Variants in NUP210L observed in about 807,000 individuals in gnomAD.
NUP210L encodes nucleoporin 210 like, also known as nuclear pore membrane glycoprotein 210-like.
A neutral mutation model predicts 208.5 loss-of-function variants in NUP210L; 74 were observed. That is an observed-to-expected ratio of 0.35 (90% CI 0.29 to 0.43). The LOEUF (loss-of-function observed/expected upper bound fraction) is 0.43, where lower values mean the gene tolerates loss of function less well. Among genes scored for constraint, NUP210L ranks in the 20% least tolerant of loss-of-function variants. The pLI is 1.00. For missense variants in NUP210L, 1,843 were observed against 2,289.4 expected, an observed-to-expected ratio of 0.81 and a Z score of 3.98; for synonymous variants, 780 against 816.9, an observed-to-expected ratio of 0.95 and a Z score of 0.77.
chr1:154,080,975 G>GAA (rs573448663), intron 16 of NUP210L, among the ~76,000 whole-genome samples: 1 of 81,696 alleles, frequency 1.2e-5, no homozygotes, highest in Non-Finnish European at 2.4e-5. Context: ...CTGTGCTTCC[G>GAA]AAAAAAAAAA....
At chr1:154,010,143 A>T in intron 34 of NUP210L, 22 bp from the exon 35 acceptor site, 1 of 1,598,952 alleles carries the variant, frequency 6.3e-7, no homozygotes, top group South Asian at 1.1e-5. Flanking sequence ...AAAAGAGGTA[A>T]ATAGCTTTGT....
exon 14 of NUP210L, chr1:154,100,041 T>A: frequency 6.2e-7 from 1 of 1,613,732 alleles, no homozygotes; most frequent in South Asian, 1.1e-5. Flanking sequence ...GCTCTCCAAG[T>A]ACTTGTCACA....
chr1:154,136,653 GT>G (rs1199932075), intron 6 of NUP210L, among the ~76,000 whole-genome samples: 4 of 151,370 alleles, frequency 2.6e-5, no homozygotes, highest in Non-Finnish European at 5.9e-5. Context: ...AGGTGCGGTG[GT>G]TCACGCCTGT....
chr1:154,026,441 C>T (rs538633952), intron 29 of NUP210L, among the ~76,000 whole-genome samples: 7 of 152,022 alleles, frequency 4.6e-5, no homozygotes, highest in East Asian at 2.0e-4. Flanking sequence ...CTCCGCCTCC[C>T]GGGTTCAAGT....
Position 154,063,109 on chromosome 1 carries a change from T to C in NUP210L, c.2555-1435A>G, listed in dbSNP as rs1300990611. Among the ~76,000 whole-genome samples the C allele has an allele frequency of 2.6e-5, 4 of 152,252 alleles. No individual in the cohort carries two copies. The South Asian group carries it at 6.2e-4, about 24-fold the overall frequency. On this transcript the variant is annotated intron_variant, in intron 17 of 39. Coordinates refer to ENST00000368559, the Ensembl canonical transcript of NUP210L. ...CAATCCTTGCCTTCAAAGAAACCCATAGTTTAGTGAGGGGAGACTGAGTAG... is the reference window on the plus strand; with the variant it reads ...CAATCCTTGCCTTCAAAGAAACCCACAGTTTAGTGAGGGGAGACTGAGTAG...
chr1:154,138,035 G>T, intron 6 of NUP210L, 71 bp downstream of exon 6: 1 of 1,052,088 alleles, frequency 9.5e-7, no homozygotes, highest in Non-Finnish European at 1.3e-6. Flanking sequence ...ATGTAATGTG[G>T]AGTTGCTGAT....
At chr1:154,081,281 G>A (rs1266478765) in intron 16 of NUP210L, among the ~76,000 whole-genome samples, 3 of 151,758 alleles carry the variant, frequency 2.0e-5, no homozygotes, top group East Asian at 1.9e-4. Flanking sequence ...GAGAGCTGAG[G>A]TAGTTACACT....
chr1:154,140,438 G>A (rs1302267176), intron 4 of NUP210L, among the ~76,000 whole-genome samples: 2 of 151,394 alleles, frequency 1.3e-5, no homozygotes, highest in South Asian at 2.1e-4. Context: ...AGGCAGAGGC[G>A]GGTGGATCAC....
intron 17 of NUP210L, among the ~76,000 whole-genome samples, chr1:154,067,663 T>A (rs1414780349): frequency 1.3e-5 from 2 of 152,190 alleles, no homozygotes; most frequent in African/African-American, 4.8e-5. Flanking sequence ...TTGTCACTGT[T>A]TGCAGATGAC....
exon 11 of NUP210L, chr1:154,118,678 T>G (rs201913512): frequency 1.9e-6 from 3 of 1,592,606 alleles, no homozygotes; most frequent in Non-Finnish European, 2.6e-6. Flanking sequence ...TACCTGTACT[T>G]TATAACGATA....
At chr1:154,001,737 C>T in exon 36 of NUP210L, 1 of 1,614,104 alleles carries the variant, frequency 6.2e-7, no homozygotes. Context: ...TAACATACCT[C>T]TAGCTTCCTA....
chr1:154,097,555 C>T (rs1656235556), intron 14 of NUP210L, among the ~76,000 whole-genome samples: 1 of 152,152 alleles, frequency 6.6e-6, no homozygotes, highest in South Asian at 2.1e-4. Context: ...TTCACCCACC[C>T]AGGGAACTAG....
chr1:154,095,172 G>T lies in NUP210L; in HGVS notation c.1966-16C>A, dbSNP rs750146240. 8.9e-6 allele frequency: 14 copies of T among 1,574,274 alleles called. No homozygotes were observed. The East Asian group carries it at 2.2e-4, about 25-fold the overall frequency. On this transcript the variant is annotated splice_polypyrimidine_tract_variant and intron_variant, in intron 14 of 39. Transcript: ENST00000368559. ...GATTTAAAGCCTGATGATATTTAAA[G>T]AAATTAATTCCTGATAGGTTAGGGA...
At chr1:154,102,513 G>A (rs1656520898) in intron 13 of NUP210L, among the ~76,000 whole-genome samples, 1 of 152,108 alleles carries the variant, frequency 6.6e-6, no homozygotes, top group South Asian at 2.1e-4. Flanking sequence ...GAGTGAGGGT[G>A]TGTCTATATG....
chr1:153,995,119 CAA>C lies in NUP210L; in HGVS notation c.5446_5447del (p.Leu1816AspfsTer43). The C allele has an allele frequency of 6.2e-7, 1 of 1,613,834 alleles. No individual in the cohort carries two copies. Among genetic ancestry groups the C allele is most frequent in the Non-Finnish European group, 8.5e-7 (1 of 1,179,904 alleles). ...TTGATGCCAGCACTGCAAAGAGGGT[CAA>C]GAGCAGGATCTGGTAAGAGCCAGTG... On this transcript the variant is annotated frameshift_variant, in exon 38 of 40. Transcript: ENST00000368559. LOFTEE classifies it high-confidence loss of function.
At chr1:154,066,614 A>AAAAC (rs374561597) in intron 17 of NUP210L, among the ~76,000 whole-genome samples, 13 of 152,330 alleles carry the variant, frequency 8.5e-5, no homozygotes, top group Admixed American at 2.0e-4. Context: ...CCGTCTCAAA[A>AAAAC]AAACAAACAA....
chr1:154,118,844 A>G (rs768994450), intron 10 of NUP210L, 36 bp from the exon 11 acceptor site: 13 of 1,353,150 alleles, frequency 9.6e-6, no homozygotes, highest in Middle Eastern at 1.9e-4. Context: ...AAATATATTT[A>G]TAAGGACTAT....
chr1:154,096,589 C>A (rs891054065), intron 14 of NUP210L, among the ~76,000 whole-genome samples: 2 of 151,450 alleles, frequency 1.3e-5, no homozygotes, highest in Non-Finnish European at 2.9e-5. Context: ...GGTGAAATCC[C>A]ATCTCTACTA....
intron 5 of NUP210L, among the ~76,000 whole-genome samples, chr1:154,139,596 G>C (rs1658724195): frequency 6.6e-6 from 1 of 151,290 alleles, no homozygotes; most frequent in South Asian, 2.1e-4. Context: ...TAGGAGACTG[G>C]GGCAGGCAGA....
Sources: gnomAD v4.1 joint callset for allele counts (sites outside exome capture counted in the v4.1 genomes callset) on GRCh38, gnomAD v4.1.1 for gene constraint, MANE v1.5 for transcripts, NCBI Gene and HGNC (gene_info 2026-07-23, HGNC 2026-07-21) for gene names.